Variants in VCAM1 observed in about 807,000 individuals in gnomAD.
The protein encoded by VCAM1 is vascular cell adhesion molecule 1.
VCAM1 carries 41 observed loss-of-function variants against 63.8 expected under a neutral mutation model. The ratio of observed to expected loss-of-function variants is 0.64; its 90% CI spans 0.50 to 0.83. The LOEUF (loss-of-function observed/expected upper bound fraction) is 0.83. Among genes scored for constraint, VCAM1 ranks in the 40% least tolerant of loss-of-function variants. The pLI is 0.00. For synonymous variants in VCAM1, 338 were observed against 320.7 expected (o/e 1.05, Z -0.58); for missense variants, 798 against 875.5 (o/e 0.91, Z 1.12).
At position 100,738,386 on chromosome 1, in the gene VCAM1, C is replaced by T; in HGVS notation, c.*103C>T. 1.5e-6 allele frequency: 2 copies of T among 1,317,678 alleles called. No homozygotes were observed. Among genetic ancestry groups the T allele is most frequent in the Admixed American group, 2.3e-5 (1 of 43,048 alleles). The allele number at this position is 1,317,678 out of a possible 1,614,324, so 81.6% of individuals were successfully genotyped here. On this transcript the variant is annotated 3_prime_UTR_variant, in exon 9 of 9. Coordinates refer to ENST00000294728, the MANE Select transcript of VCAM1 (RefSeq NM_001078.4). ...AACAATGAGCTGAGAGGCAGACTTCCCTGAATGTATTGAACTTGGAAAGAA... is the reference window on the plus strand; with the variant it reads ...AACAATGAGCTGAGAGGCAGACTTCTCTGAATGTATTGAACTTGGAAAGAA...
At chr1:100,721,637 A>G (rs753142946) in intron 2 of VCAM1, among the ~76,000 whole-genome samples, 3 of 152,058 alleles carry the variant, frequency 2.0e-5, no homozygotes, top group African/African-American at 4.8e-5. Context: ...AACTTTTCCC[A>G]GTAACCTTAA....
At chr1:100,737,287 T>C (rs887443030) in intron 8 of VCAM1, 1 of 152,154 alleles carries the variant, frequency 6.6e-6, no homozygotes, top group African/African-American at 2.4e-5. Flanking sequence ...AAAATAGATA[T>C]ACATGTCTTG....
chr1:100,737,447 T>C (rs925086559), intron 8 of VCAM1: 3 of 152,114 alleles, frequency 2.0e-5, no homozygotes, highest in Admixed American at 6.5e-5. Context: ...GAGGGAGATA[T>C]AGATTAGAGA....
At chr1:100,730,509 T>G (rs1209139539) in intron 5 of VCAM1, among the ~76,000 whole-genome samples, 1 of 152,188 alleles carries the variant, frequency 6.6e-6, no homozygotes, top group Non-Finnish European at 1.5e-5. Context: ...AGTTCTTGAT[T>G]ACAAGTATTA....
chr1:100,721,567 C>A (rs3917032), intron 2 of VCAM1, among the ~76,000 whole-genome samples: 2,206 of 152,148 alleles, frequency 0.014, 48 homozygotes, highest in African/African-American at 0.05. Flanking sequence ...ACGGTCATGT[C>A]TTCATGAAGA....
At chr1:100,725,743 T>G (rs1660137584) in intron 4 of VCAM1, among the ~76,000 whole-genome samples, 1 of 152,084 alleles carries the variant, frequency 6.6e-6, no homozygotes, top group Non-Finnish European at 1.5e-5. Flanking sequence ...CTTTTTAATT[T>G]TATAGCTAAT....
chr1:100,734,584 T>C lies in VCAM1; in HGVS notation c.1875T>C (p.Cys625=), dbSNP rs1660583669. The C allele has an allele frequency of 6.2e-7, 1 of 1,613,736 alleles. No individual in the cohort carries two copies. Among genetic ancestry groups the C allele is most frequent in the African/African-American group, 1.3e-5 (1 of 74,880 alleles). ...EGDTVIISCT[C]GNVPETWIIL... ...ACACTGTCATCATCTCTTGTACATG[T>C]GGAAATGTTCCAGAAACATGGATAA... Residue 625 remains cysteine, a synonymous_variant, in exon 8 of 9, where the codon TGT becomes TGC. Coordinates refer to ENST00000294728, the MANE Select transcript of VCAM1 (RefSeq NM_001078.4).
At position 100,719,873 on chromosome 1, in the gene VCAM1, A is replaced by T. The variant is rs1187425126; in HGVS notation, c.13A>T (p.Met5Leu). 1 of 1,611,624 alleles carries T rather than the reference A, an allele frequency of 6.2e-7. No individual in the cohort carries two copies. Among genetic ancestry groups the T allele is most frequent in the Admixed American group, 1.7e-5 (1 of 59,902 alleles). Residue 5 changes from methionine to leucine, a missense_variant, in exon 1 of 9, where the codon ATG (methionine) becomes TTG (leucine). Transcript: ENST00000294728. MPGK[M>L]VVILGASNIL... ...ACAGCAACTTAAAATGCCTGGGAAGATGGTCGTGATCCTTGGAGCCTCAAA... is the reference window on the plus strand; with the variant it reads ...ACAGCAACTTAAAATGCCTGGGAAGTTGGTCGTGATCCTTGGAGCCTCAAA...
chr1:100,729,594 A>G (rs1314687247), intron 5 of VCAM1, among the ~76,000 whole-genome samples: 1 of 152,030 alleles, frequency 6.6e-6, no homozygotes, highest in Non-Finnish European at 1.5e-5. Flanking sequence ...AGCACCCACA[A>G]TCCTTGGTTT....
At position 100,724,809 on chromosome 1, in the gene VCAM1, A is replaced by G. The variant is rs1430107031; in HGVS notation, c.847A>G (p.Met283Val). 16 of 1,613,012 alleles carry G rather than the reference A, an allele frequency of 9.9e-6. No homozygotes were observed. The highest frequency in any genetic ancestry group is 1.4e-5 in the Non-Finnish European group (16 of 1,179,410). The change falls in exon 4 of 9, where the codon ATG (methionine) becomes GTG (valine). Residue 283 changes from methionine to valine, a missense_variant. Coordinates refer to ENST00000294728, the MANE Select transcript of VCAM1 (RefSeq NM_001078.4). ...NATLTLIAMR[M>V]EDSGIYVCEG... The stretch of plus-strand genomic sequence containing the variant: ...AACTCTCACCTTAATTGCTATGAGG[A>G]TGGAAGATTCTGGAATTTATGTGTG...
In VCAM1 at chr1:100,720,770, C is replaced by A. The variant is rs759299440; in HGVS notation, c.340+19C>A. On this transcript the variant is annotated intron_variant, in intron 2 of 8. Transcript: ENST00000294728. ...ATCTACTGTGAGTGCTTTAGAAAAT[C>A]TTTGTTTTTCTCTCAATTTTACTTT... The A allele has an allele frequency of 1.9e-6, 3 of 1,561,074 alleles. No individual in the cohort carries two copies. The highest frequency in any genetic ancestry group is 2.4e-5 in the South Asian group (2 of 82,738).
At chr1:100,729,799 G>GA (rs34577442) in intron 5 of VCAM1, among the ~76,000 whole-genome samples, 2 of 151,886 alleles carry the variant, frequency 1.3e-5, no homozygotes, top group Non-Finnish European at 2.9e-5. Flanking sequence ...TGCAGGATGG[G>GA]AAAAAAATAA....
At position 100,731,260 on chromosome 1, in the gene VCAM1, G is replaced by C; in HGVS notation, c.1267G>C (p.Val423Leu). 1 of 1,613,660 alleles carries C rather than the reference G, an allele frequency of 6.2e-7. No individual in the cohort carries two copies. The highest frequency in any genetic ancestry group is 8.5e-7 in the Non-Finnish European group (1 of 1,179,766). The stretch of plus-strand genomic sequence containing the variant: ...CCTCGTGAATGGGAGCTCTGTCACT[G>C]TAAGCTGCAAGGTTCCTAGCGTGTA... ...GGLVNGSSVT[V>L]SCKVPSVYPL... The change falls in exon 6 of 9, where the codon GTA becomes CTA. Residue 423 changes from valine to leucine, a missense_variant. By Grantham distance (32) the Val-to-Leu change is conservative. Coordinates refer to ENST00000294728, the MANE Select transcript of VCAM1 (RefSeq NM_001078.4). The surrounding 1 kb of genome is among the most constrained non-coding windows in gnomAD (Gnocchi z 4.2).
Position 100,738,163 on chromosome 1 carries a change from C to G in VCAM1, c.2100C>G (p.Leu700=), listed in dbSNP as rs757752398. 6.2e-7 allele frequency: 1 copy of G among 1,613,496 alleles called. No homozygotes were observed. ...NNKDYFSPEL[L]VLYFASSLII... is the part of the protein sequence containing the mutation. ...AAGACTATTTTTCTCCTGAGCTTCT[C>G]GTGCTCTATTTTGCATCCTCCTTAA... The change falls in exon 9 of 9, where the codon CTC becomes CTG. Residue 700 remains leucine (L), a synonymous_variant. Coordinates refer to ENST00000294728, the MANE Select transcript of VCAM1 (RefSeq NM_001078.4).
At chr1:100,728,807 G>A (rs982623241) in intron 4 of VCAM1, among the ~76,000 whole-genome samples, 2 of 151,626 alleles carry the variant, frequency 1.3e-5, no homozygotes, top group African/African-American at 4.8e-5. Context: ...CTCTTACAGT[G>A]ATTTGATAAA....
At position 100,732,497 on chromosome 1, in the gene VCAM1, G is replaced by A. The variant is rs1443333855; in HGVS notation, c.1605G>A (p.Leu535=). 1.2e-6 allele frequency: 2 copies of A among 1,612,908 alleles called. No homozygotes were observed. Among genetic ancestry groups the A allele is most frequent in the South Asian group, 1.1e-5 (1 of 90,798 alleles). The change falls in exon 7 of 9, where the codon TTG becomes TTA. Residue 535 remains leucine (L), a synonymous_variant. Transcript: ENST00000294728. ...EEGSSVNMTC[L]SQGFPAPKIL... The stretch of plus-strand genomic sequence containing the variant: ...GCAGTTCTGTGAATATGACATGCTT[G>A]AGCCAGGGCTTTCCTGCTCCGAAAA...
At chr1:100,732,781 C>G (rs764110182) in intron 7 of VCAM1, 97 bp downstream of exon 7, 13 of 1,351,958 alleles carry the variant, frequency 9.6e-6, no homozygotes, top group Non-Finnish European at 1.3e-5. Context: ...ATTTTTACTA[C>G]AAAAGTGTGA....
Position 100,731,261 on chromosome 1 carries a change from T to A in VCAM1, c.1268T>A (p.Val423Glu), listed in dbSNP as rs1207659816. Reference protein sequence around the residue: ...GGLVNGSSVTVSCKVPSVYPL... With the variant: ...GGLVNGSSVTESCKVPSVYPL... ...CTCGTGAATGGGAGCTCTGTCACTG[T>A]AAGCTGCAAGGTTCCTAGCGTGTAC... The change falls in exon 6 of 9, where the codon GTA becomes GAA. Residue 423 changes from valine (V) to glutamate (E), a missense_variant. Physicochemically the swap from Val to Glu is moderately radical, Grantham distance 121. Coordinates refer to ENST00000294728, the MANE Select transcript of VCAM1 (RefSeq NM_001078.4). This position sits in a 1 kb window ranked among gnomAD's most constrained non-coding sequence, Gnocchi z 4.2. The A allele has an allele frequency of 6.2e-7, 1 of 1,613,726 alleles. No homozygotes were observed.
Position 100,729,365 on chromosome 1 carries a change from T to C in VCAM1, c.1187T>C (p.Ile396Thr). ...GGACATAAGAAACTGGAAAAGGGAA[T>C]CCAGGTGGAGCTCTACTGTAAGTGG... ...TCGHKKLEKGIQVELYSFPRD... is the reference protein window; with the variant it reads ...TCGHKKLEKGTQVELYSFPRD... The change falls in exon 5 of 9, where the codon ATC (isoleucine) becomes ACC (threonine). Residue 396 changes from isoleucine (I) to threonine (T), a missense_variant. Coordinates refer to ENST00000294728, the MANE Select transcript of VCAM1 (RefSeq NM_001078.4). 3 of 1,606,142 alleles carry C rather than the reference T, an allele frequency of 1.9e-6. No homozygotes were observed. The highest frequency in any genetic ancestry group is 2.6e-6 in the Non-Finnish European group (3 of 1,175,814).
Sources: allele counts gnomAD v4.1 joint callset (sites outside exome capture counted in the v4.1 genomes callset), GRCh38; gene constraint gnomAD v4.1.1; non-coding constraint Gnocchi (gnomAD v3.1); transcripts MANE v1.5; gene names NCBI Gene and HGNC (gene_info 2026-07-23, HGNC 2026-07-21).